RBFOX1: variants seen among roughly 807,000 people sequenced by gnomAD.
RBFOX1 encodes RNA binding fox-1 homolog 1, also known as RNA binding protein fox-1 homolog 1.
Under a neutral mutation model 57.7 loss-of-function variants are expected in RBFOX1, and 8 were observed. The observed-to-expected ratio is 0.14, with a 90% CI of 0.08 to 0.25. The LOEUF is 0.25. RBFOX1 is among the 10% of genes least tolerant of loss of function. The pLI is 1.00. For synonymous variants in RBFOX1, 326 were observed against 222.4 expected (o/e 1.47, Z -4.15); for missense variants, 611 against 548.5 (o/e 1.11, Z -1.14).
chr16:6,496,605 A>C (rs1274759202), intron 2 of RBFOX1, among the ~76,000 whole-genome samples: 3 of 152,168 alleles, frequency 2.0e-5, no homozygotes, highest in Non-Finnish European at 4.4e-5. Context: ...TCAGAAAATC[A>C]AAGCAAGTTG....
chr16:6,939,846 T>C (rs528602972), intron 3 of RBFOX1, among the ~76,000 whole-genome samples: 3 of 152,268 alleles, frequency 2.0e-5, no homozygotes, highest in African/African-American at 7.2e-5. Flanking sequence ...ATATAGCTGG[T>C]GGAAGATACA....
chr16:6,572,644 G>C (rs538047854), intron 2 of RBFOX1, among the ~76,000 whole-genome samples: 3 of 151,964 alleles, frequency 2.0e-5, no homozygotes, highest in East Asian at 1.9e-4. Context: ...CCAGGCTGGA[G>C]TGCAGTGTCA....
intron 1 of RBFOX1, among the ~76,000 whole-genome samples, chr16:6,077,392 T>C (rs1335805073): frequency 6.6e-6 from 1 of 152,178 alleles, no homozygotes; most frequent in Non-Finnish European, 1.5e-5. Flanking sequence ...AGGCACAGTT[T>C]GGGGCAAGCC....
chr16:6,023,541 T>A (rs908113336), intron 1 of RBFOX1, among the ~76,000 whole-genome samples: 1 of 152,182 alleles, frequency 6.6e-6, no homozygotes, highest in Non-Finnish European at 1.5e-5. Flanking sequence ...TGTGGAGTAA[T>A]GAACACATTC....
chr16:5,393,947 C>T (rs146573159), intron 1 of RBFOX1, among the ~76,000 whole-genome samples: 428 of 152,308 alleles, frequency 2.8e-3, no homozygotes, highest in Middle Eastern at 0.017. Context: ...CTTCTCGGCA[C>T]CTCATATAAG....
At chr16:7,605,795 A>T (rs544733804) in intron 9 of RBFOX1, among the ~76,000 whole-genome samples, 1 of 152,096 alleles carries the variant, frequency 6.6e-6, no homozygotes, top group African/African-American at 2.4e-5. Context: ...CTGCTCAAGG[A>T]CTCAGAGCAA....
intron 3 of RBFOX1, among the ~76,000 whole-genome samples, chr16:5,859,308 A>G (rs1025448955): frequency 6.6e-6 from 1 of 152,202 alleles, no homozygotes; most frequent in Non-Finnish European, 1.5e-5. Flanking sequence ...GACTTCTGCT[A>G]CTGTTACAGT....
intron 1 of RBFOX1, among the ~76,000 whole-genome samples, chr16:5,358,099 G>A (rs747742867): frequency 6.6e-6 from 1 of 152,104 alleles, no homozygotes; most frequent in African/African-American, 2.4e-5. Context: ...CTGGAGGGCT[G>A]TGGGAAATCA....
chr16:6,333,898 C>T (rs189180337), intron 2 of RBFOX1, among the ~76,000 whole-genome samples: 12 of 152,036 alleles, frequency 7.9e-5, no homozygotes, highest in African/African-American at 2.7e-4. Context: ...CAAAAGAAAG[C>T]CACCCTATGC....
At chr16:6,446,929 C>G (rs947621043) in intron 2 of RBFOX1, among the ~76,000 whole-genome samples, 54 of 152,238 alleles carry the variant, frequency 3.5e-4, no homozygotes, top group Admixed American at 2.6e-4. Flanking sequence ...TGAGGAGCCT[C>G]TGTCTAGCAT....
chr16:7,277,169 A>C (rs1322799497), intron 4 of RBFOX1, among the ~76,000 whole-genome samples: 1 of 152,198 alleles, frequency 6.6e-6, no homozygotes, highest in African/African-American at 2.4e-5. Flanking sequence ...TTTCTTAAGA[A>C]ATGCAATTAA....
intron 3 of RBFOX1, among the ~76,000 whole-genome samples, chr16:6,802,286 A>T (rs1805492268): frequency 6.6e-6 from 1 of 152,150 alleles, no homozygotes; most frequent in Admixed American, 6.6e-5. Flanking sequence ...TGTGTTAGTG[A>T]GACCTGATTT....
intron 1 of RBFOX1, among the ~76,000 whole-genome samples, chr16:5,410,522 T>C (rs561856): frequency 0.63 from 95,682 of 152,098 alleles, 30,438 homozygotes; most frequent in African/African-American, 0.69. Flanking sequence ...CCTTGTAAAG[T>C]AACTGGAATG....
intron 3 of RBFOX1, among the ~76,000 whole-genome samples, chr16:6,767,290 A>G (rs919287383): frequency 7.2e-5 from 11 of 152,002 alleles, no homozygotes; most frequent in Non-Finnish European, 1.0e-4. Flanking sequence ...CAGTCTCAGA[A>G]CACTTGTTAA....
At chr16:6,868,425 C>G (rs554783125) in intron 3 of RBFOX1, among the ~76,000 whole-genome samples, 2 of 152,016 alleles carry the variant, frequency 1.3e-5, no homozygotes, top group African/African-American at 2.4e-5. Flanking sequence ...GGTAAAGTTG[C>G]CAGGGCGAGG....
At chr16:7,553,299 C>G (rs1403479800) in intron 5 of RBFOX1, among the ~76,000 whole-genome samples, 1 of 152,030 alleles carries the variant, frequency 6.6e-6, no homozygotes, top group Admixed American at 6.6e-5. Flanking sequence ...TGCCCACCAC[C>G]ACACCCCCTA....
chr16:7,572,772 G>C lies in RBFOX1; in HGVS notation c.271-7005G>C, dbSNP rs546425347. The stretch of plus-strand genomic sequence containing the variant: ...GAGAATGGCGTGAACCCAGGAGGCA[G>C]AGCTTGCAGTGAGCCAAGATGGAGC... On this transcript the variant is annotated intron_variant, in intron 5 of 15. Coordinates refer to ENST00000550418, the MANE Select transcript of RBFOX1 (RefSeq NM_018723.4). Among the ~76,000 whole-genome samples, 279 of 152,182 alleles carry C rather than the reference G, an allele frequency of 1.8e-3. 1 individual carries two copies. The highest frequency in any genetic ancestry group is 5.4e-3 in the Admixed American group (83 of 15,282).
In RBFOX1 at chr16:6,619,278, A is replaced by C. The variant is rs569464886; in HGVS notation, c.-63-35325A>C. Among the ~76,000 whole-genome samples, 4 of 152,268 alleles carry C rather than the reference A, an allele frequency of 2.6e-5. No homozygotes were observed. The South Asian group carries it at 8.3e-4, about 32-fold the overall frequency. On this transcript the variant is annotated intron_variant, in intron 2 of 15. Coordinates refer to ENST00000550418, the MANE Select transcript of RBFOX1 (RefSeq NM_018723.4). Reference sequence around the variant, plus strand: ...AACAACTCTAATAATTTCAGGTTCCATGATAATGAGTTGGTGGCCTTATAA... The same window carrying C: ...AACAACTCTAATAATTTCAGGTTCCCTGATAATGAGTTGGTGGCCTTATAA...
intron 11 of RBFOX1, among the ~76,000 whole-genome samples, chr16:7,639,114 G>A (rs558767741): frequency 1.4e-4 from 21 of 152,242 alleles, no homozygotes; most frequent in Admixed American, 1.2e-3. Flanking sequence ...GGAATTGGGT[G>A]GTTAGTTTTG....
Sources: gnomAD v4.1 joint callset for allele counts (sites outside exome capture counted in the v4.1 genomes callset) on GRCh38, gnomAD v4.1.1 for gene constraint, MANE v1.5 for transcripts, NCBI Gene and HGNC (gene_info 2026-07-23, HGNC 2026-07-21) for gene names.